BACH2: variants seen among roughly 807,000 people sequenced by gnomAD.
BACH2 encodes the protein transcription regulator protein BACH2.
In BACH2, 5 loss-of-function variants were observed where a neutral mutation model predicts 61.8. That is an observed-to-expected ratio of 0.08 (90% confidence interval 0.04 to 0.17). The LOEUF (loss-of-function observed/expected upper bound fraction) is 0.17. BACH2 is among the 10% of genes least tolerant of loss of function. BACH2 has a pLI of 1.00. For missense variants in BACH2, 824 were observed against 1,091.1 expected (o/e 0.76, Z 3.45); for synonymous variants, 446 against 440.1 (o/e 1.01, Z -0.17).
intron 4 of BACH2, among the ~76,000 whole-genome samples, chr6:90,109,577 A>G (rs1213685866): frequency 3.3e-5 from 5 of 152,066 alleles, no homozygotes; most frequent in African/African-American, 1.2e-4. Context: ...TCCATATCCA[A>G]TTTCCTACTC....
intron 5 of BACH2, among the ~76,000 whole-genome samples, chr6:90,016,449 T>C (rs1399638395): frequency 1.3e-5 from 2 of 152,208 alleles, no homozygotes; most frequent in African/African-American, 4.8e-5. Flanking sequence ...TATAATATGC[T>C]TCTTTAAGTT....
intron 1 of BACH2, among the ~76,000 whole-genome samples, chr6:90,284,146 A>G (rs1771944650): frequency 6.6e-6 from 1 of 152,212 alleles, no homozygotes; most frequent in South Asian, 2.1e-4. Flanking sequence ...CTGGGATAAG[A>G]CCACTGTGAT....
chr6:90,295,758 G>C (rs979961642), intron 1 of BACH2, among the ~76,000 whole-genome samples: 2 of 152,188 alleles, frequency 1.3e-5, no homozygotes, highest in Non-Finnish European at 1.5e-5. Context: ...GGCGCCCTTA[G>C]GTCTTAGCTA....
intron 6 of BACH2, among the ~76,000 whole-genome samples, chr6:89,986,200 T>G (rs1277640312): frequency 6.6e-6 from 1 of 151,022 alleles, no homozygotes; most frequent in African/African-American, 2.4e-5. Flanking sequence ...CTTTTTTCGG[T>G]ATGTGTGTTA....
chr6:90,189,299 C>T (rs1768471244), intron 4 of BACH2, among the ~76,000 whole-genome samples: 1 of 152,070 alleles, frequency 6.6e-6, no homozygotes, highest in African/African-American at 2.4e-5. Flanking sequence ...AGTGAATGTG[C>T]AAGTTAACAC....
At chr6:89,936,207 A>G (rs1773012968) in intron 8 of BACH2, among the ~76,000 whole-genome samples, 1 of 152,216 alleles carries the variant, frequency 6.6e-6, no homozygotes, top group African/African-American at 2.4e-5. Flanking sequence ...AGAGTAAGTG[A>G]TAAGCACTAA....
At chr6:90,052,550 G>A (rs911091261) in intron 5 of BACH2, among the ~76,000 whole-genome samples, 38 of 152,202 alleles carry the variant, frequency 2.5e-4, no homozygotes, top group African/African-American at 9.2e-4. Flanking sequence ...CTCCCGAGCA[G>A]TTGGGATTAC....
intron 4 of BACH2, among the ~76,000 whole-genome samples, chr6:90,104,137 T>C (rs1033068409): frequency 6.6e-6 from 1 of 152,158 alleles, no homozygotes; most frequent in Non-Finnish European, 1.5e-5. Context: ...CACAATTTTA[T>C]TGAGATCACT....
chr6:89,941,588 T>G (rs1773432635), intron 7 of BACH2, among the ~76,000 whole-genome samples: 1 of 152,162 alleles, frequency 6.6e-6, no homozygotes, highest in African/African-American at 2.4e-5. Context: ...TCTAATGATA[T>G]GAAAGAATGT....
intron 6 of BACH2, among the ~76,000 whole-genome samples, chr6:89,990,529 T>G (rs1191003490): frequency 1.3e-5 from 2 of 152,134 alleles, no homozygotes; most frequent in Non-Finnish European, 2.9e-5. Flanking sequence ...CTGGCTTTTT[T>G]TTTTCTTTAT....
chr6:89,996,145 T>A (rs1268705279), intron 6 of BACH2, among the ~76,000 whole-genome samples: 1 of 152,238 alleles, frequency 6.6e-6, no homozygotes, highest in Non-Finnish European at 1.5e-5. Context: ...CTTAGGCACA[T>A]GTAAAGCACT....
At chr6:90,268,007 TTTG>T (rs1771396816) in intron 2 of BACH2, among the ~76,000 whole-genome samples, 1 of 134,470 alleles carries the variant, frequency 7.4e-6, no homozygotes, top group Admixed American at 7.6e-5. Flanking sequence ...ACTTGCCTTT[TTTG>T]TTTTTTTTTT....
At chr6:89,984,598 C>G (rs767338439) in intron 6 of BACH2, among the ~76,000 whole-genome samples, 5 of 152,146 alleles carry the variant, frequency 3.3e-5, no homozygotes, top group Non-Finnish European at 7.3e-5. Context: ...TTCCTATATT[C>G]TATACACAAT....
intron 3 of BACH2, among the ~76,000 whole-genome samples, chr6:90,221,335 T>C (rs1210125421): frequency 6.6e-6 from 1 of 152,164 alleles, no homozygotes; most frequent in African/African-American, 2.4e-5. Flanking sequence ...ACACAAAACC[T>C]GAAATTGAGG....
chr6:90,295,899 T>G, intron 1 of BACH2, among the ~76,000 whole-genome samples: 1 of 152,206 alleles, frequency 6.6e-6, no homozygotes, highest in African/African-American at 2.4e-5. Flanking sequence ...GTCGCGGTGG[T>G]CCGGGCCACC....
chr6:90,277,423 G>A (rs1050103502), intron 1 of BACH2, among the ~76,000 whole-genome samples: 1 of 152,136 alleles, frequency 6.6e-6, no homozygotes, highest in African/African-American at 2.4e-5. Context: ...TTGATATAAA[G>A]TTCAAAAACA....
At chr6:90,251,750 TTC>T (rs1243639360) in intron 3 of BACH2, among the ~76,000 whole-genome samples, 1 of 152,166 alleles carries the variant, frequency 6.6e-6, no homozygotes, top group Non-Finnish European at 1.5e-5. Context: ...AAGTAAAAGC[TTC>T]TAATAGGAGC....
At chr6:90,184,376 T>C (rs1768274757) in intron 4 of BACH2, among the ~76,000 whole-genome samples, 1 of 152,138 alleles carries the variant, frequency 6.6e-6, no homozygotes, top group Non-Finnish European at 1.5e-5. Context: ...AAATCACTTT[T>C]GGAGAAAAAA....
At chr6:90,181,182 G>A (rs76265308) in intron 4 of BACH2, among the ~76,000 whole-genome samples, 2,670 of 152,138 alleles carry the variant, frequency 0.018, 48 homozygotes, top group East Asian at 0.069. Context: ...AATATCTATT[G>A]TTTTTTTACT....
Sources: allele counts gnomAD v4.1 joint callset (sites outside exome capture counted in the v4.1 genomes callset), GRCh38; gene constraint gnomAD v4.1.1; transcripts MANE v1.5; gene names NCBI Gene and HGNC (gene_info 2026-07-23, HGNC 2026-07-21).